Variants in LRP1B observed in about 807,000 individuals in gnomAD.
LRP1B encodes the protein LDL receptor related protein 1B.
LRP1B carries 217 observed loss-of-function variants against 556.6 expected under a neutral mutation model. The observed-to-expected ratio is 0.39, with a 90% CI of 0.35 to 0.44. The LOEUF is 0.44. LRP1B is among the 20% of genes least tolerant of loss of function. The pLI is 1.00. For missense variants in LRP1B, 5,053 were observed against 5,620.8 expected (o/e 0.90, Z 3.23); for synonymous variants, 2,047 against 1,865.8 (o/e 1.10, Z -2.50).
intron 3 of LRP1B, among the ~76,000 whole-genome samples, chr2:141,314,501 T>C (rs1322409029): frequency 6.6e-6 from 1 of 151,976 alleles, no homozygotes; most frequent in African/African-American, 2.4e-5. Flanking sequence ...GGCTTAAAAA[T>C]TGACCTACGG....
intron 1 of LRP1B, among the ~76,000 whole-genome samples, chr2:142,105,036 A>G (rs1706697607): frequency 6.6e-6 from 1 of 152,206 alleles, no homozygotes; most frequent in African/African-American, 2.4e-5. Flanking sequence ...GCACTGGACA[A>G]CAATCACAGC....
At chr2:140,585,410 T>A (rs1681945491) in intron 43 of LRP1B, among the ~76,000 whole-genome samples, 1 of 152,136 alleles carries the variant, frequency 6.6e-6, no homozygotes, top group Non-Finnish European at 1.5e-5. Context: ...CACATCATAC[T>A]GCTTCCTGAA....
intron 35 of LRP1B, among the ~76,000 whole-genome samples, chr2:140,766,586 C>T (rs1423692004): frequency 2.0e-5 from 3 of 150,746 alleles, no homozygotes; most frequent in African/African-American, 7.3e-5. Flanking sequence ...TAAATAGTTA[C>T]TGATATCTAA....
intron 83 of LRP1B, among the ~76,000 whole-genome samples, chr2:140,313,263 TTTATA>T (rs1310905833): frequency 1.3e-5 from 2 of 151,962 alleles, no homozygotes; most frequent in South Asian, 2.1e-4. Flanking sequence ...TGAGAACTAA[TTTATA>T]TTATTTAAAA....
At chr2:140,886,624 G>GTT (rs34757111) in intron 23 of LRP1B, among the ~76,000 whole-genome samples, 1 of 148,246 alleles carries the variant, frequency 6.7e-6, no homozygotes, top group Non-Finnish European at 1.5e-5. Context: ...AGGATTTTCT[G>GTT]TTTTTTTTTT....
intron 2 of LRP1B, among the ~76,000 whole-genome samples, chr2:141,482,573 AAAGT>A (rs1303720452): frequency 6.6e-6 from 1 of 151,978 alleles, no homozygotes; most frequent in Non-Finnish European, 1.5e-5. Flanking sequence ...TACAGGAGTA[AAAGT>A]AAGTGAAAGG....
intron 7 of LRP1B, among the ~76,000 whole-genome samples, chr2:141,123,230 T>G (rs1487966049): frequency 7.5e-6 from 1 of 132,828 alleles, no homozygotes; most frequent in Non-Finnish European, 1.6e-5. Flanking sequence ...ACCCTAGAAC[T>G]TAAAGTATAA....
chr2:141,667,552 A>T (rs186000128), intron 2 of LRP1B, among the ~76,000 whole-genome samples: 5 of 152,316 alleles, frequency 3.3e-5, no homozygotes, highest in African/African-American at 1.2e-4. Flanking sequence ...TTTGAAAAAC[A>T]TTGCTTGTGG....
At chr2:141,032,258 A>G (rs923226766) in intron 11 of LRP1B, among the ~76,000 whole-genome samples, 1 of 152,136 alleles carries the variant, frequency 6.6e-6, no homozygotes, top group Non-Finnish European at 1.5e-5. Context: ...TTGCTAACAT[A>G]AATGCATCAT....
chr2:140,442,372 G>T, intron 66 of LRP1B, 132 bp downstream of exon 66: 1 of 1,166,912 alleles, frequency 8.6e-7, no homozygotes, highest in Non-Finnish European at 1.2e-6. Context: ...ATGAATCTGT[G>T]AACACAGAGA....
intron 7 of LRP1B, among the ~76,000 whole-genome samples, chr2:141,162,586 CA>C (rs1238528882): frequency 6.6e-6 from 1 of 152,010 alleles, no homozygotes; most frequent in Non-Finnish European, 1.5e-5. Flanking sequence ...CTCTGGCAGG[CA>C]AGGAAGTTAG....
intron 2 of LRP1B, among the ~76,000 whole-genome samples, chr2:141,571,044 C>T (rs1686509046): frequency 6.6e-6 from 1 of 151,258 alleles, no homozygotes; most frequent in South Asian, 2.1e-4. Flanking sequence ...CACACCCCGT[C>T]CACCAAGGGA....
Position 140,456,599 on chromosome 2 carries a change from G to A in LRP1B, c.9819C>T (p.Ser3273=). 6.2e-7 allele frequency: 1 copy of A among 1,606,084 alleles called. No homozygotes were observed. Among genetic ancestry groups the A allele is most frequent in the Non-Finnish European group, 8.5e-7 (1 of 1,175,856 alleles). The change falls in exon 62 of 91, where the codon TCC becomes TCT. Residue 3273 remains serine (S), a synonymous_variant. Transcript: ENST00000389484. ...CATTATTTATCATGCAGAGATGTTT[G>A]GAGACTAAAGATAAGAAAGAAACAA... is the stretch of plus-strand genomic sequence containing the variant. ...VYHSYRQPDV[S]KHLCMINNGG...
intron 33 of LRP1B, 75 bp downstream of exon 33, chr2:140,776,023 T>C (rs1689482811): frequency 8.2e-7 from 1 of 1,213,360 alleles, no homozygotes; most frequent in Non-Finnish European, 1.2e-6. Context: ...CTTTTATTGT[T>C]GAATTGAGGA....
intron 1 of LRP1B, among the ~76,000 whole-genome samples, chr2:142,119,326 G>A (rs988182151): frequency 2.0e-5 from 3 of 152,056 alleles, no homozygotes; most frequent in Non-Finnish European, 4.4e-5. Flanking sequence ...AATGCTGCAG[G>A]TCCAGCAATA....
In LRP1B at chr2:140,509,911, C is replaced by T. The variant is rs2104916549; in HGVS notation, c.8398+17G>A. ...CAACAGTTTTCTTTGACATGCAGCC[C>T]TGGCCAGTGTTCATACCGCAGCCTG... On this transcript the variant is annotated intron_variant, in intron 52 of 90. Coordinates refer to ENST00000389484, the MANE Select transcript of LRP1B (RefSeq NM_018557.3). 1 of 1,609,284 alleles carries T rather than the reference C, an allele frequency of 6.2e-7. No homozygotes were observed. Among genetic ancestry groups the T allele is most frequent in the Non-Finnish European group, 8.5e-7 (1 of 1,178,160 alleles).
rs1698802165 is a variant in LRP1B at position 141,044,359 on chromosome 2, G to C, written c.1789+4627C>G. Among the ~76,000 whole-genome samples, 2 of 151,578 alleles carry C rather than the reference G, an allele frequency of 1.3e-5. 1 individual carries two copies. Among genetic ancestry groups the C allele is most frequent in the Non-Finnish European group, 2.9e-5 (2 of 67,832 alleles). ...CATTACCATTCAGGACATAGGCATG[G>C]GCAAGGACTTCATGTCTAAAACACC... On this transcript the variant is annotated intron_variant, in intron 11 of 90. Transcript: ENST00000389484.
chr2:140,817,151 A>G (rs1691151738), intron 31 of LRP1B, among the ~76,000 whole-genome samples: 1 of 152,162 alleles, frequency 6.6e-6, no homozygotes, highest in Admixed American at 6.5e-5. Context: ...AAGGATCCTC[A>G]GAATGGGTGA....
intron 37 of LRP1B, among the ~76,000 whole-genome samples, chr2:140,710,069 A>G (rs780746105): frequency 6.6e-6 from 1 of 152,102 alleles, no homozygotes; most frequent in Non-Finnish European, 1.5e-5. Flanking sequence ...CGAAGTAAAT[A>G]ATATTTAAAT....
Sources: allele counts gnomAD v4.1 joint callset (sites outside exome capture counted in the v4.1 genomes callset), GRCh38; gene constraint gnomAD v4.1.1; transcripts MANE v1.5; gene names NCBI Gene and HGNC (gene_info 2026-07-23, HGNC 2026-07-21).